KLRG2: variants seen among roughly 807,000 people sequenced by gnomAD.
KLRG2 encodes killer cell lectin like receptor G2.
A neutral mutation model predicts 35.4 loss-of-function variants in KLRG2; 39 were observed. That is an observed-to-expected ratio of 1.10 (90% CI 0.85 to 1.44). The LOEUF is 1.44. Among genes scored for constraint, KLRG2 ranks in the 40% most tolerant of loss-of-function variants. The pLI is 0.00. For missense variants in KLRG2, 632 were observed against 570.9 expected (o/e 1.11, Z -1.09); for synonymous variants, 283 against 265.8 (o/e 1.06, Z -0.63).
chr7:139,471,390 G>A (rs796971575), intron 3 of KLRG2, among the ~76,000 whole-genome samples: 7 of 152,206 alleles, frequency 4.6e-5, no homozygotes, highest in African/African-American at 1.4e-4. Context: ...GGCTGGGAGT[G>A]GTGGTTCACG....
chr7:139,467,155 G>A (rs763841992), intron 3 of KLRG2, among the ~76,000 whole-genome samples: 9 of 151,968 alleles, frequency 5.9e-5, no homozygotes, highest in African/African-American at 1.7e-4. Flanking sequence ...TTCCCATGTC[G>A]CCCCTAATCC....
intron 3 of KLRG2, among the ~76,000 whole-genome samples, chr7:139,457,858 T>C (rs1040866256): frequency 6.6e-6 from 1 of 151,826 alleles, no homozygotes; most frequent in African/African-American, 2.4e-5. Context: ...TTGTTCAGAG[T>C]TATAAATAAA....
the KLRG2 span, among the ~76,000 whole-genome samples, chr7:139,440,740 G>A: frequency 1.3e-5 from 2 of 152,052 alleles, no homozygotes; most frequent in African/African-American, 2.4e-5. Flanking sequence ...TTGCACCACA[G>A]TGCCTGGCAC....
At chr7:139,445,781 G>GTGTATATATATATATATATATA in the KLRG2 span, among the ~76,000 whole-genome samples, 14 of 98,478 alleles carry the variant, frequency 1.4e-4, no homozygotes, top group African/African-American at 4.6e-4. Flanking sequence ...ATATATATAT[G>GTGTATATATATATATATATATA]TATATATATA....
intron 3 of KLRG2, among the ~76,000 whole-genome samples, chr7:139,458,416 G>A (rs545086563): frequency 3.4e-4 from 51 of 151,940 alleles, no homozygotes; most frequent in Admixed American, 7.9e-4. Flanking sequence ...AAAGTTTAAT[G>A]ACATAAAATT....
At chr7:139,458,799 TC>T (rs1297309608) in intron 3 of KLRG2, among the ~76,000 whole-genome samples, 1 of 152,168 alleles carries the variant, frequency 6.6e-6, no homozygotes, top group African/African-American at 2.4e-5. Context: ...ACTTACAACT[TC>T]CTACTTTTCA....
the KLRG2 span, among the ~76,000 whole-genome samples, chr7:139,441,064 CA>C: frequency 0.033 from 5,010 of 152,230 alleles, 98 homozygotes; most frequent in South Asian, 0.067. Context: ...GTCATCATGG[CA>C]AAAACGCTGT....
At position 139,453,480 on chromosome 7, in the gene KLRG2, G is replaced by C. The variant is rs1796404359; in HGVS notation, c.*107C>G. On this transcript the variant is annotated 3_prime_UTR_variant, in exon 5 of 5. Transcript: ENST00000340940. ...GTGGCCCCCTTGAGCAGAGCATGAAGACCTGGATAACTGGGTCCAGGAAGA... is the reference window on the plus strand; with the variant it reads ...GTGGCCCCCTTGAGCAGAGCATGAACACCTGGATAACTGGGTCCAGGAAGA... 2 of 1,211,180 alleles carry C rather than the reference G, an allele frequency of 1.7e-6. No individual in the cohort carries two copies. Among genetic ancestry groups the C allele is most frequent in the East Asian group, 5.1e-5 (2 of 39,130 alleles). The allele number at this position is 1,211,180 out of a possible 1,614,324, so 75.0% of individuals were successfully genotyped here.
At chr7:139,437,709 C>T in the KLRG2 span, among the ~76,000 whole-genome samples, 5 of 152,196 alleles carry the variant, frequency 3.3e-5, no homozygotes, top group African/African-American at 1.2e-4. Context: ...CCACCTGCCT[C>T]AGCCTCCCAA....
downstream of KLRG2, among the ~76,000 whole-genome samples, chr7:139,449,688 T>A (rs1040225954): frequency 1.7e-4 from 25 of 146,540 alleles, no homozygotes; most frequent in Admixed American, 1.5e-3. Flanking sequence ...CTCTATATCC[T>A]TATTCTTTTT....
intron 1 of KLRG2, 24 bp from the exon 2 acceptor site, chr7:139,480,271 A>C (rs1467078753): frequency 7.2e-7 from 1 of 1,382,740 alleles, no homozygotes; most frequent in East Asian, 2.3e-5. Context: ...AAACAGGATA[A>C]TCAGATTAGT....
chr7:139,434,499 C>T, the KLRG2 span, among the ~76,000 whole-genome samples: 1 of 152,202 alleles, frequency 6.6e-6, no homozygotes, highest in African/African-American at 2.4e-5. Context: ...GCCTGCCCTC[C>T]CTCCCTCTGT....
intron 3 of KLRG2, among the ~76,000 whole-genome samples, chr7:139,473,416 T>G (rs115363909): frequency 0.026 from 3,880 of 152,004 alleles, 156 homozygotes; most frequent in African/African-American, 0.086. Context: ...AATGACTGAG[T>G]CCCTGCCTGA....
rs1325710958 is a variant in KLRG2, at chr7:139,483,002, C to G, written c.641G>C (p.Gly214Ala). The G allele has an allele frequency of 2.9e-6, 4 of 1,379,332 alleles. No homozygotes were observed. The African/African-American group carries it at 4.6e-5, about 16-fold the overall frequency. 85.4% of individuals were successfully genotyped at this position (1,379,332 alleles called of 1,614,324 possible). A position where few individuals can be genotyped will look rare whatever the true frequency, so the allele number is the denominator to read the frequency against. ...CTTGCAGCGGCAGCACGTGGGGGAG[C>G]CCGGGGAGCCGGCGCTTCCTTCCGC... ...SPAEGSAGSP[G>A]SPTCCRCKEL... The change falls in exon 1 of 5, where the codon GGC becomes GCC. Residue 214 changes from glycine to alanine, a missense_variant. Transcript: ENST00000340940.
intron 1 of KLRG2, among the ~76,000 whole-genome samples, chr7:139,481,852 A>C (rs1437128339): frequency 1.3e-5 from 2 of 152,066 alleles, no homozygotes; most frequent in Non-Finnish European, 2.9e-5. Context: ...GCTTGAATCC[A>C]GGAGGCGAAG....
chr7:139,446,787 G>A, the KLRG2 span, among the ~76,000 whole-genome samples: 1 of 151,802 alleles, frequency 6.6e-6, no homozygotes, highest in Non-Finnish European at 1.5e-5. Context: ...ATCGGCTTCT[G>A]ACATCCAACC....
At chr7:139,454,380 C>T (rs1189745971) in intron 3 of KLRG2, among the ~76,000 whole-genome samples, 166 bp from the exon 4 acceptor site, 1 of 152,180 alleles carries the variant, frequency 6.6e-6, no homozygotes, top group African/African-American at 2.4e-5. Context: ...GATTGGATGC[C>T]TGCTGGGTGC....
chr7:139,432,551 C>G, the KLRG2 span, among the ~76,000 whole-genome samples: 3 of 149,808 alleles, frequency 2.0e-5, no homozygotes, highest in Non-Finnish European at 4.5e-5. Context: ...AGGACCCCCC[C>G]CCCCCAATAT....
At chr7:139,445,976 C>T in the KLRG2 span, among the ~76,000 whole-genome samples, 5 of 151,308 alleles carry the variant, frequency 3.3e-5, 1 homozygote, top group Admixed American at 3.3e-4. Context: ...GGATTGCAGG[C>T]ACACACCACC....
Sources: gnomAD v4.1 joint callset for allele counts (sites outside exome capture counted in the v4.1 genomes callset) on GRCh38, gnomAD v4.1.1 for gene constraint, MANE v1.5 for transcripts, NCBI Gene and HGNC (gene_info 2026-07-23, HGNC 2026-07-21) for gene names.